Variants in ARL15 observed in about 807,000 individuals in gnomAD.
ARL15 encodes ARF like GTPase 15.
A neutral mutation model predicts 25.2 loss-of-function variants in ARL15; 19 were observed. The ratio of observed to expected loss-of-function variants is 0.75; its 90% CI spans 0.53 to 1.10. The LOEUF (loss-of-function observed/expected upper bound fraction) is 1.10, where lower values mean the gene tolerates loss of function less well. Ranked by LOEUF, ARL15 falls within the 50% of genes least tolerant of loss-of-function variation. The pLI is 0.00. For synonymous variants in ARL15, 94 were observed against 86.8 expected (o/e 1.08, Z -0.46); for missense variants, 220 against 246.0 (o/e 0.89, Z 0.71).
At chr5:54,205,854 G>C (rs569819744) in intron 1 of ARL15, among the ~76,000 whole-genome samples, 1 of 152,200 alleles carries the variant, frequency 6.6e-6, no homozygotes, top group South Asian at 2.1e-4. Flanking sequence ...TAACTTCCTT[G>C]TCCTTTTCCT....
chr5:54,066,584 G>C (rs1014973671), intron 4 of ARL15, among the ~76,000 whole-genome samples: 17 of 152,128 alleles, frequency 1.1e-4, no homozygotes, highest in Non-Finnish European at 2.4e-4. Context: ...GTGGGGTGGG[G>C]ACTTTGATCC....
At chr5:54,274,394 C>T (rs1757870148) in intron 1 of ARL15, among the ~76,000 whole-genome samples, 1 of 152,108 alleles carries the variant, frequency 6.6e-6, no homozygotes, top group African/African-American at 2.4e-5. Context: ...AATTTCAAAA[C>T]ATGATAAAGA....
At chr5:53,928,066 T>C (rs577207296) in intron 4 of ARL15, among the ~76,000 whole-genome samples, 1 of 152,308 alleles carries the variant, frequency 6.6e-6, no homozygotes, top group East Asian at 1.9e-4. Context: ...GTGAATATTA[T>C]TGATCTCCAC....
intron 4 of ARL15, among the ~76,000 whole-genome samples, chr5:53,986,872 G>A (rs564232801): frequency 6.5e-4 from 99 of 152,272 alleles, no homozygotes; most frequent in African/African-American, 2.1e-3. Context: ...CAGAGGAACC[G>A]TCATAAACAA....
rs13164420 is a variant in ARL15 at position 54,022,325 on chromosome 5, C to T, written c.462+90877G>A. Among the ~76,000 whole-genome samples, 778 of 152,080 alleles carry T rather than the reference C, an allele frequency of 5.1e-3. 5 individuals are homozygous for T. The highest frequency in any genetic ancestry group is 0.024 in the Middle Eastern group (7 of 294). ...CAAGGTTTCTCTGACCTTCTCCTCACCCTCCTCCAGTCCCCTGCTGCCCCT... is the reference window on the plus strand; with the variant it reads ...CAAGGTTTCTCTGACCTTCTCCTCATCCTCCTCCAGTCCCCTGCTGCCCCT... On this transcript the variant is annotated intron_variant, in intron 4 of 4. Coordinates refer to ENST00000504924, the MANE Select transcript of ARL15 (RefSeq NM_019087.3).
chr5:54,298,045 T>G (rs974101520), intron 1 of ARL15, among the ~76,000 whole-genome samples: 1 of 152,166 alleles, frequency 6.6e-6, no homozygotes, highest in Admixed American at 6.5e-5. Flanking sequence ...CCTCCCAAAG[T>G]GCTGGGATTA....
At chr5:53,995,257 G>A (rs572828574) in intron 4 of ARL15, among the ~76,000 whole-genome samples, 4 of 139,322 alleles carry the variant, frequency 2.9e-5, no homozygotes, top group South Asian at 2.3e-4. Context: ...GCTCCGAGCC[G>A]AGATTGTGCC....
rs116146362 is a variant in ARL15 at position 54,173,227 on chromosome 5, A to G, written c.49-1299T>C. Among the ~76,000 whole-genome samples, 431 of 151,978 alleles carry G rather than the reference A, an allele frequency of 2.8e-3. 2 individuals carry two copies. The highest frequency in any genetic ancestry group is 9.8e-3 in the African/African-American group (408 of 41,458). ...AAAGAAAAGAAAGAAAGAAAGAAAAACAAGAGGATTTGGGAGACAGGGTAT... is the reference window on the plus strand; with the variant it reads ...AAAGAAAAGAAAGAAAGAAAGAAAAGCAAGAGGATTTGGGAGACAGGGTAT... On this transcript the variant is annotated intron_variant, in intron 1 of 4. Coordinates refer to ENST00000504924, the MANE Select transcript of ARL15 (RefSeq NM_019087.3).
chr5:54,285,245 A>G, intron 1 of ARL15: 2 of 463,468 alleles, frequency 4.3e-6, no homozygotes, highest in Non-Finnish European at 5.7e-6. Context: ...CAAAAACAAG[A>G]CAGATTGGTT....
At chr5:54,303,276 C>T (rs1051008714) in intron 1 of ARL15, among the ~76,000 whole-genome samples, 1 of 152,074 alleles carries the variant, frequency 6.6e-6, no homozygotes. Flanking sequence ...GATCCTAGCA[C>T]TTTGGGAAGC....
At chr5:54,298,316 A>G (rs557120379) in intron 1 of ARL15, among the ~76,000 whole-genome samples, 30 of 152,242 alleles carry the variant, frequency 2.0e-4, no homozygotes, top group African/African-American at 6.7e-4. Flanking sequence ...AAATCACACA[A>G]CCATCTAAAT....
intron 1 of ARL15, among the ~76,000 whole-genome samples, chr5:54,281,100 G>T (rs1396943333): frequency 6.6e-6 from 1 of 151,946 alleles, no homozygotes; most frequent in Non-Finnish European, 1.5e-5. Flanking sequence ...AAAAAACACT[G>T]TGCGCTCACC....
intron 4 of ARL15, among the ~76,000 whole-genome samples, chr5:54,037,027 T>C (rs887190318): frequency 1.3e-5 from 2 of 152,052 alleles, no homozygotes; most frequent in Admixed American, 1.3e-4. Flanking sequence ...AATAAAACTG[T>C]GGGGAATATA....
chr5:53,937,396 T>C (rs927235892), intron 4 of ARL15, among the ~76,000 whole-genome samples: 1 of 152,188 alleles, frequency 6.6e-6, no homozygotes, highest in Admixed American at 6.5e-5. Context: ...GCATAACTCT[T>C]ATGTCAGTAG....
At chr5:54,270,508 G>A (rs1360679011) in intron 1 of ARL15, among the ~76,000 whole-genome samples, 5 of 152,180 alleles carry the variant, frequency 3.3e-5, no homozygotes, top group African/African-American at 4.8e-5. Flanking sequence ...TCCTGGTTTC[G>A]ACACACTAAT....
chr5:54,246,258 C>T (rs377203592), intron 1 of ARL15, among the ~76,000 whole-genome samples: 5 of 151,966 alleles, frequency 3.3e-5, no homozygotes, highest in Non-Finnish European at 7.4e-5. Context: ...CTCCTCTATG[C>T]GCCCTTATTC....
At chr5:54,149,877 A>C (rs1486405936) in intron 3 of ARL15, among the ~76,000 whole-genome samples, 1 of 152,156 alleles carries the variant, frequency 6.6e-6, no homozygotes, top group Non-Finnish European at 1.5e-5. Context: ...TTCACCAAAA[A>C]CCTCCTGGAT....
At chr5:54,191,190 G>A (rs1031530742) in intron 1 of ARL15, among the ~76,000 whole-genome samples, 12 of 152,092 alleles carry the variant, frequency 7.9e-5, no homozygotes, top group Non-Finnish European at 1.5e-4. Flanking sequence ...ATAAGACTAA[G>A]TTAAATAAGC....
At chr5:54,099,983 C>T (rs1162707750) in intron 4 of ARL15, among the ~76,000 whole-genome samples, 1 of 151,022 alleles carries the variant, frequency 6.6e-6, no homozygotes, top group African/African-American at 2.4e-5. Context: ...CAAGTTAAAC[C>T]TGGGTATATC....
Sources: gnomAD v4.1 joint callset for allele counts (sites outside exome capture counted in the v4.1 genomes callset) on GRCh38, gnomAD v4.1.1 for gene constraint, MANE v1.5 for transcripts, NCBI Gene and HGNC (gene_info 2026-07-23, HGNC 2026-07-21) for gene names.